Variants in N4BP2 observed in about 807,000 individuals in gnomAD.
N4BP2 encodes NEDD4-binding protein 2.
In N4BP2, 91 loss-of-function variants were observed where a neutral mutation model predicts 152.8. The ratio of observed to expected loss-of-function variants is 0.60; its 90% CI spans 0.50 to 0.71. The LOEUF is 0.71. N4BP2 is among the 30% of genes least tolerant of loss of function. N4BP2 has a pLI of 0.00. For missense variants in N4BP2, 1,923 were observed against 2,059.1 expected (o/e 0.93, Z 1.28); for synonymous variants, 646 against 705.3 (o/e 0.92, Z 1.33).
chr4:40,057,819 T>C (rs1578917387), intron 1 of N4BP2, among the ~76,000 whole-genome samples: 2 of 152,308 alleles, frequency 1.3e-5, no homozygotes, highest in Admixed American at 6.5e-5. Flanking sequence ...AGAATGTAGA[T>C]GACAGGTCAG....
In N4BP2 at chr4:40,102,503, GT is replaced by G; in HGVS notation, c.662del (p.Leu221Ter). On this transcript the variant is annotated frameshift_variant, in exon 4 of 18. Coordinates refer to ENST00000261435, the MANE Select transcript of N4BP2 (RefSeq NM_018177.6). LOFTEE classifies it high-confidence loss of function. ...TTTAAACCCATTACCTTCACATTCA[GT>G]TTTGAACGAGTCCAAGTGTTTTATA... is the stretch of plus-strand genomic sequence containing the variant. ...LSLNPLPSHS[V>X]LNESKCFIKD... The G allele has an allele frequency of 1.2e-6, 2 of 1,614,150 alleles. No individual in the cohort carries two copies. Among genetic ancestry groups the G allele is most frequent in the Non-Finnish European group, 1.7e-6 (2 of 1,180,026 alleles).
downstream of N4BP2, among the ~76,000 whole-genome samples, chr4:40,161,454 C>T (rs936191289): frequency 1.3e-5 from 2 of 152,138 alleles, no homozygotes; most frequent in Admixed American, 1.3e-4. Context: ...GAGGCTTATA[C>T]CAGTTGCAAT....
At chr4:40,059,896 A>G (rs931493925) in intron 1 of N4BP2, among the ~76,000 whole-genome samples, 4 of 152,234 alleles carry the variant, frequency 2.6e-5, no homozygotes, top group African/African-American at 9.6e-5. Flanking sequence ...AAGTATTAAG[A>G]AAGTTGCTGA....
intron 10 of N4BP2, 65 bp downstream of exon 10, chr4:40,123,277 A>G: frequency 9.2e-7 from 1 of 1,086,690 alleles, no homozygotes; most frequent in Non-Finnish European, 1.4e-6. Context: ...AATTTCAGTG[A>G]AATCTACCAC....
intron 4 of N4BP2, among the ~76,000 whole-genome samples, chr4:40,105,325 ATTTT>A (rs34758221): frequency 2.2e-5 from 3 of 136,892 alleles, no homozygotes; most frequent in African/African-American, 2.7e-5. Context: ...TGTAGTTACA[ATTTT>A]TTTTTTTTTT....
Position 40,079,025 on chromosome 4 carries a change from G to A in N4BP2, c.-115+5474G>A, listed in dbSNP as rs548559414. 7.9e-5 allele frequency among the ~76,000 whole-genome samples: 12 copies of A among 152,050 alleles called. No homozygotes were observed. The South Asian group carries it at 1.5e-3, about 18-fold the overall frequency. ...GGAATGCAGTGGCGCGATCTCAAGC[G>A]ATTCTCCAACCTCAGCCTCCTGAGT... On this transcript the variant is annotated intron_variant, in intron 2 of 17. Coordinates refer to ENST00000261435, the MANE Select transcript of N4BP2 (RefSeq NM_018177.6).
In N4BP2 at chr4:40,120,943, C is replaced by T. The variant is rs1370121186; in HGVS notation, c.2832C>T (p.Ser944=). The change falls in exon 9 of 18, where the codon TCC becomes TCT. Residue 944 remains serine, a synonymous_variant. Coordinates refer to ENST00000261435, the MANE Select transcript of N4BP2 (RefSeq NM_018177.6). ...SSQKLKTLGS[S]NLGSSEMLLS... ...AAAAACTAAAGACATTGGGTAGCTC[C>T]AATCTAGGAAGTTCTGAAATGCTGC... is the stretch of plus-strand genomic sequence containing the variant. The T allele has an allele frequency of 6.2e-7, 1 of 1,613,992 alleles. No homozygotes were observed. Among genetic ancestry groups the T allele is most frequent in the Non-Finnish European group, 8.5e-7 (1 of 1,180,002 alleles).
chr4:40,181,593 G>A, the N4BP2 span, among the ~76,000 whole-genome samples: 13 of 152,242 alleles, frequency 8.5e-5, 1 homozygote, highest in Admixed American at 5.2e-4. Context: ...AGCTCAACTC[G>A]CGGCTTTCAT....
chr4:40,119,457 CTT>C (rs1009037957), intron 8 of N4BP2, among the ~76,000 whole-genome samples: 1 of 152,140 alleles, frequency 6.6e-6, no homozygotes, highest in African/African-American at 2.4e-5. Context: ...AATGAAAGCT[CTT>C]TTTTTCTAAT....
chr4:40,080,920 C>T (rs1311246890), intron 2 of N4BP2, among the ~76,000 whole-genome samples: 1 of 151,636 alleles, frequency 6.6e-6, no homozygotes, highest in Admixed American at 6.6e-5. Context: ...CCCACCTCAG[C>T]CTCCCAAAGT....
chr4:40,180,636 G>A, the N4BP2 span, among the ~76,000 whole-genome samples: 4 of 152,136 alleles, frequency 2.6e-5, no homozygotes, highest in Non-Finnish European at 5.9e-5. Flanking sequence ...ACATCATTTT[G>A]TACAAGTATA....
chr4:40,075,111 G>A (rs1457763805), intron 2 of N4BP2, among the ~76,000 whole-genome samples: 1 of 151,952 alleles, frequency 6.6e-6, no homozygotes, highest in Non-Finnish European at 1.5e-5. Context: ...TTTATGTGTG[G>A]TACTATGCAT....
At chr4:40,142,224 C>T (rs746239195) in intron 14 of N4BP2, 4 of 277,160 alleles carry the variant, frequency 1.4e-5, no homozygotes, top group Non-Finnish European at 2.9e-5. Context: ...AAATTATCAT[C>T]TGTAGTTTCA....
chr4:40,058,588 G>A (rs1055666145), intron 1 of N4BP2, among the ~76,000 whole-genome samples: 1 of 152,150 alleles, frequency 6.6e-6, no homozygotes, highest in Admixed American at 6.5e-5. Flanking sequence ...ACGTACGAAT[G>A]CCAGTTTGTG....
At chr4:40,079,558 T>C (rs1713146935) in intron 2 of N4BP2, among the ~76,000 whole-genome samples, 1 of 152,192 alleles carries the variant, frequency 6.6e-6, no homozygotes, top group Admixed American at 6.6e-5. Flanking sequence ...TCATGTTTGT[T>C]CATTCTATTA....
At chr4:40,161,467 G>A (rs992038795), downstream of N4BP2, among the ~76,000 whole-genome samples, 2 of 152,198 alleles carry the variant, frequency 1.3e-5, no homozygotes, top group African/African-American at 4.8e-5. Context: ...GTTGCAATTT[G>A]TGGACCTTTT....
At chr4:40,132,349 A>C (rs1718978331) in intron 13 of N4BP2, among the ~76,000 whole-genome samples, 1 of 151,994 alleles carries the variant, frequency 6.6e-6, no homozygotes, top group South Asian at 2.1e-4. Context: ...TTATTTAGGG[A>C]GTCTGTTATG....
At chr4:40,185,134 C>T in the N4BP2 span, among the ~76,000 whole-genome samples, 1 of 151,750 alleles carries the variant, frequency 6.6e-6, no homozygotes, top group African/African-American at 2.4e-5. Context: ...TCTTGTTGTC[C>T]TGTAATGAAT....
chr4:40,074,432 C>T (rs1712525166), intron 2 of N4BP2, among the ~76,000 whole-genome samples: 1 of 151,864 alleles, frequency 6.6e-6, no homozygotes, highest in South Asian at 2.1e-4. Flanking sequence ...TGGTCTCAAA[C>T]TCCTTGGCTC....
Sources: gnomAD v4.1 joint callset for allele counts (sites outside exome capture counted in the v4.1 genomes callset) on GRCh38, gnomAD v4.1.1 for gene constraint, MANE v1.5 for transcripts, NCBI Gene and HGNC (gene_info 2026-07-23, HGNC 2026-07-21) for gene names.